PRICKLE1: variants seen among roughly 807,000 people sequenced by gnomAD.
PRICKLE1 encodes prickle-like protein 1.
In PRICKLE1, 14 loss-of-function variants were observed where a neutral mutation model predicts 70.2. The ratio of observed to expected loss-of-function variants is 0.20; its 90% CI spans 0.13 to 0.31. PRICKLE1 has a LOEUF of 0.31. Among genes scored for constraint, PRICKLE1 ranks in the 10% least tolerant of loss-of-function variants. The probability of loss-of-function intolerance (pLI) is 1.00; values close to 1 mark genes in which losing one functional copy is unlikely to be tolerated. For synonymous variants in PRICKLE1, 357 were observed against 379.9 expected, an observed-to-expected ratio of 0.94 and a Z score of 0.70; for missense variants, 821 against 1,026.2, an observed-to-expected ratio of 0.80 and a Z score of 2.73.
rs114638427 is a variant in PRICKLE1 at position 42,586,242 on chromosome 12, T to A, written c.-49+3223A>T. Among the ~76,000 whole-genome samples, 710 of 152,310 alleles carry A rather than the reference T, an allele frequency of 4.7e-3. 2 individuals are homozygous for A. The highest frequency in any genetic ancestry group is 0.016 in the African/African-American group (662 of 41,566). ...GGCAATCTTAATATTCTCTCACTAA[T>A]AAGGGTTAAACAGTTGGTATTATTT... On this transcript the variant is annotated intron_variant, in intron 1 of 7. Coordinates refer to ENST00000345127, the MANE Select transcript of PRICKLE1 (RefSeq NM_153026.3).
intron 1 of PRICKLE1, among the ~76,000 whole-genome samples, chr12:42,541,495 G>A (rs1940114910): frequency 6.6e-6 from 1 of 151,768 alleles, no homozygotes; most frequent in Non-Finnish European, 1.5e-5. Flanking sequence ...ACACTGCCAC[G>A]CCCAGCTAAT....
chr12:42,541,068 C>A (rs2120598229), intron 1 of PRICKLE1, among the ~76,000 whole-genome samples: 1 of 152,002 alleles, frequency 6.6e-6, no homozygotes. Context: ...ATAAATAATT[C>A]AAAGAACTGA....
At position 42,468,835 on chromosome 12, in the gene PRICKLE1, A is replaced by G; in HGVS notation, c.385-6T>C. On this transcript the variant is annotated splice_region_variant and splice_polypyrimidine_tract_variant and intron_variant, in intron 4 of 7. Coordinates refer to ENST00000345127, the MANE Select transcript of PRICKLE1 (RefSeq NM_153026.3). ...CCATTTATCTTCAAACCACACTACA[A>G]ACAAATGGGTTTGAATGTAAAAGGA... The G allele has an allele frequency of 1.2e-6, 2 of 1,613,366 alleles. No homozygotes were observed. Among genetic ancestry groups the G allele is most frequent in the South Asian group, 1.1e-5 (1 of 91,038 alleles).
At chr12:42,530,088 C>G (rs1939884247) in intron 1 of PRICKLE1, among the ~76,000 whole-genome samples, 1 of 151,838 alleles carries the variant, frequency 6.6e-6, no homozygotes, top group Non-Finnish European at 1.5e-5. Flanking sequence ...GGATTACAGG[C>G]ACATGCCACC....
chr12:42,578,897 G>T (rs964052223), intron 1 of PRICKLE1, among the ~76,000 whole-genome samples: 6 of 152,052 alleles, frequency 3.9e-5, no homozygotes, highest in African/African-American at 1.4e-4. Context: ...GAGTAGCTGG[G>T]ATTACAGGCG....
At chr12:42,505,598 G>A (rs570126947) in intron 1 of PRICKLE1, among the ~76,000 whole-genome samples, 18 of 152,182 alleles carry the variant, frequency 1.2e-4, no homozygotes, top group African/African-American at 3.6e-4. Flanking sequence ...ACCATGTCCA[G>A]CTAATTTTTG....
chr12:42,555,101 G>A (rs1001786072), intron 1 of PRICKLE1, among the ~76,000 whole-genome samples: 14 of 152,072 alleles, frequency 9.2e-5, no homozygotes, highest in Non-Finnish European at 1.6e-4. Context: ...TCAGGAGCTC[G>A]AGACCAGACT....
At chr12:42,471,954 G>A (rs1938339899) in intron 2 of PRICKLE1, among the ~76,000 whole-genome samples, 1 of 152,206 alleles carries the variant, frequency 6.6e-6, no homozygotes. Flanking sequence ...GTTTCTGATA[G>A]CTCACTATCT....
intron 1 of PRICKLE1, among the ~76,000 whole-genome samples, chr12:42,558,155 A>G (rs1940443557): frequency 6.6e-6 from 1 of 152,206 alleles, no homozygotes; most frequent in Admixed American, 6.5e-5. Context: ...GTACCTTTAT[A>G]ACAAGCTGGT....
At chr12:42,467,102 TTTTTTA>T (rs1395613025) in intron 5 of PRICKLE1, among the ~76,000 whole-genome samples, 8 of 152,056 alleles carry the variant, frequency 5.3e-5, no homozygotes, top group East Asian at 1.9e-4. Flanking sequence ...GTCTGGTTCT[TTTTTTA>T]TTTTTATTTT....
At chr12:42,544,803 C>A (rs1940177199) in intron 1 of PRICKLE1, among the ~76,000 whole-genome samples, 1 of 152,128 alleles carries the variant, frequency 6.6e-6, no homozygotes, top group African/African-American at 2.4e-5. Context: ...TCACTTTTGT[C>A]TCTTTGTGCT....
At chr12:42,491,659 C>A (rs1172891778) in intron 1 of PRICKLE1, among the ~76,000 whole-genome samples, 2 of 152,016 alleles carry the variant, frequency 1.3e-5, no homozygotes, top group Non-Finnish European at 2.9e-5. Flanking sequence ...GGAAGAACTA[C>A]CCAACTAACT....
At chr12:42,527,204 C>A (rs1359896708) in intron 1 of PRICKLE1, among the ~76,000 whole-genome samples, 1 of 138,542 alleles carries the variant, frequency 7.2e-6, no homozygotes, top group Non-Finnish European at 1.5e-5. Context: ...ACAATCTCGG[C>A]TCACTGCAAT....
chr12:42,546,466 A>G (rs1940214795), intron 1 of PRICKLE1, among the ~76,000 whole-genome samples: 1 of 152,224 alleles, frequency 6.6e-6, no homozygotes, highest in South Asian at 2.1e-4. Flanking sequence ...AAAGAATTAA[A>G]TATTATTCTT....
chr12:42,516,756 G>A (rs907975453), intron 1 of PRICKLE1, among the ~76,000 whole-genome samples: 8 of 152,062 alleles, frequency 5.3e-5, no homozygotes, highest in Non-Finnish European at 1.2e-4. Context: ...AGGTTGGGCC[G>A]TTTCCTTGGG....
At position 42,499,778 on chromosome 12, in the gene PRICKLE1, A is replaced by T. The variant is rs1471966383; in HGVS notation, c.-48-27214T>A. Reference sequence around the variant, plus strand: ...AGTCTTGCTCTGTTGCCCACGCTGGAGTGCAGTGGACTGATCTTGGCTCAC... The same window carrying T: ...AGTCTTGCTCTGTTGCCCACGCTGGTGTGCAGTGGACTGATCTTGGCTCAC... On this transcript the variant is annotated intron_variant, in intron 1 of 7. Coordinates refer to ENST00000345127, the MANE Select transcript of PRICKLE1 (RefSeq NM_153026.3). Among the ~76,000 whole-genome samples, 9 of 151,788 alleles carry T rather than the reference A, an allele frequency of 5.9e-5. 1 individual carries two copies. The East Asian group carries it at 1.7e-3, about 29-fold the overall frequency.
In PRICKLE1 at chr12:42,504,174, G is replaced by A. The variant is rs1011354510; in HGVS notation, c.-48-31610C>T. ...AAACGTGAGGACCCGTAACAAGCAG[G>A]GGATGTTAGCAGTTGATTGCAGATT... On this transcript the variant is annotated intron_variant, in intron 1 of 7. Coordinates refer to ENST00000345127, the MANE Select transcript of PRICKLE1 (RefSeq NM_153026.3). Among the ~76,000 whole-genome samples, 11 of 152,112 alleles carry A rather than the reference G, an allele frequency of 7.2e-5. No homozygotes were observed. The South Asian group carries it at 8.3e-4, about 11-fold the overall frequency.
At chr12:42,582,847 G>A (rs1157767361) in intron 1 of PRICKLE1, among the ~76,000 whole-genome samples, 1 of 152,012 alleles carries the variant, frequency 6.6e-6, no homozygotes. Flanking sequence ...ACCAGCCATC[G>A]TTAGTGTTAG....
chr12:42,564,269 A>AAGAAAG (rs1555240607), intron 1 of PRICKLE1, among the ~76,000 whole-genome samples: 4 of 125,014 alleles, frequency 3.2e-5, no homozygotes, highest in African/African-American at 1.2e-4. Flanking sequence ...AAAAAAAAAA[A>AAGAAAG]AAAGAAAAGA....
Sources: allele counts gnomAD v4.1 joint callset (sites outside exome capture counted in the v4.1 genomes callset), GRCh38; gene constraint gnomAD v4.1.1; transcripts MANE v1.5; gene names NCBI Gene and HGNC (gene_info 2026-07-23, HGNC 2026-07-21).